The following PTPN3 variants were observed in gnomAD, a reference collection of about 807,000 sequenced individuals.
The protein encoded by PTPN3 is tyrosine-protein phosphatase non-receptor type 3.
PTPN3 carries 96 observed loss-of-function variants against 132.7 expected under a neutral mutation model. The observed-to-expected ratio is 0.72, with a 90% CI of 0.61 to 0.86. The LOEUF is 0.86. Ranked by LOEUF, PTPN3 falls within the 40% of genes least tolerant of loss-of-function variation. The pLI, the probability that PTPN3 is intolerant of heterozygous loss-of-function variation, is 0.00. For missense variants in PTPN3, 1,125 were observed against 1,159.6 expected (o/e 0.97, Z 0.43); for synonymous variants, 398 against 429.0 (o/e 0.93, Z 0.89).
At chr9:109,400,879 C>T (rs141450401) in intron 19 of PTPN3, among the ~76,000 whole-genome samples, 136 of 152,236 alleles carry the variant, frequency 8.9e-4, no homozygotes, top group African/African-American at 3.2e-3. Context: ...TCTCCTCTGG[C>T]TGCTCTGTAA....
At chr9:109,400,208 A>ATGAGCCCTCATGTCCGGCCT in intron 19 of PTPN3, among the ~76,000 whole-genome samples, 1 of 152,344 alleles carries the variant, frequency 6.6e-6, no homozygotes, top group Non-Finnish European at 1.5e-5. Context: ...GATTAGAGGC[A>ATGAGCCCTCATGTCCGGCCT]TGAGCCCTCA....
At chr9:109,492,052 G>A (rs1847485974) in intron 1 of PTPN3, among the ~76,000 whole-genome samples, 1 of 152,146 alleles carries the variant, frequency 6.6e-6, no homozygotes, top group African/African-American at 2.4e-5. Context: ...TGTGTTCCCT[G>A]ACACTTTATT....
Position 109,427,216 on chromosome 9 carries a change from C to T in PTPN3, c.829-94G>A, listed in dbSNP as rs969568796. On this transcript the variant is annotated intron_variant, in intron 11 of 25. Coordinates refer to ENST00000374541, the MANE Select transcript of PTPN3 (RefSeq NM_002829.4). ...CACATTGGTGAAATGAGGTAAGATG[C>T]AACAGACAGCAGAAAACTGGTTTCA... The T allele has an allele frequency of 3.0e-6, 4 of 1,343,698 alleles. No homozygotes were observed. The African/African-American group carries it at 4.4e-5, about 15-fold the overall frequency. 83.2% of individuals were successfully genotyped at this position (1,343,698 alleles called of 1,614,324 possible). A position where few individuals can be genotyped will look rare whatever the true frequency, so the allele number is the denominator to read the frequency against.
intron 18 of PTPN3, among the ~76,000 whole-genome samples, 171 bp from the exon 19 acceptor site, chr9:109,404,779 TG>T (rs1331672194): frequency 6.6e-6 from 1 of 152,264 alleles, no homozygotes; most frequent in Non-Finnish European, 1.5e-5. Context: ...TCTAGGTGAA[TG>T]ATTCAATATG....
chr9:109,533,929 T>A, the PTPN3 span: 68 of 752,706 alleles, frequency 9.0e-5, no homozygotes, highest in South Asian at 3.8e-4. Flanking sequence ...GTTTACTGCC[T>A]TGAACTGGAA....
chr9:109,439,953 A>T (rs1844335063), intron 7 of PTPN3, among the ~76,000 whole-genome samples: 2 of 151,628 alleles, frequency 1.3e-5, no homozygotes, highest in African/African-American at 4.8e-5. Context: ...GTTATGTTTC[A>T]TTCAGCCTTG....
chr9:109,411,876 C>G (rs1842099969), intron 14 of PTPN3, among the ~76,000 whole-genome samples: 1 of 152,108 alleles, frequency 6.6e-6, no homozygotes, highest in South Asian at 2.1e-4. Context: ...AGAGTCTGGC[C>G]TTATGGTGTC....
At chr9:109,393,455 G>T (rs927483621) in intron 19 of PTPN3, among the ~76,000 whole-genome samples, 1 of 144,698 alleles carries the variant, frequency 6.9e-6, no homozygotes, top group African/African-American at 2.6e-5. Flanking sequence ...GTGCGATCTC[G>T]GCTCACTGTA....
chr9:109,409,853 C>A, intron 16 of PTPN3, 146 bp downstream of exon 16: 5 of 1,356,908 alleles, frequency 3.7e-6, no homozygotes, highest in South Asian at 3.6e-5. Flanking sequence ...CAAACAAAAA[C>A]AAAAAAAACC....
At chr9:109,531,052 A>G in the PTPN3 span, among the ~76,000 whole-genome samples, 406 of 152,248 alleles carry the variant, frequency 2.7e-3, 2 homozygotes, top group African/African-American at 9.4e-3. Flanking sequence ...CTTTTAATGC[A>G]CCAAAGTTTT....
the PTPN3 span, among the ~76,000 whole-genome samples, chr9:109,522,059 T>C: frequency 1.3e-5 from 2 of 152,192 alleles, no homozygotes; most frequent in Non-Finnish European, 2.9e-5. Context: ...GGGCTTTATT[T>C]GCTGTCTGAT....
chr9:109,517,291 G>GCATGTA, the PTPN3 span, among the ~76,000 whole-genome samples: 1 of 152,322 alleles, frequency 6.6e-6, no homozygotes, highest in East Asian at 1.9e-4. Flanking sequence ...TACATGCTCA[G>GCATGTA]TTACATTGGA....
At chr9:109,486,369 A>T (rs1452890395) in intron 1 of PTPN3, among the ~76,000 whole-genome samples, 1 of 152,190 alleles carries the variant, frequency 6.6e-6, no homozygotes, top group Non-Finnish European at 1.5e-5. Context: ...AAGGAGGTAC[A>T]GGCGCAAGGG....
Position 109,379,323 on chromosome 9 carries a change from T to C in PTPN3, c.*233A>G, listed in dbSNP as rs1838826966. ...GGACAGGCCCCAAACTGAGATCCTT[T>C]TTGTATCTTTCCATAGAAATACAGG... On this transcript the variant is annotated 3_prime_UTR_variant, in exon 26 of 26. Transcript: ENST00000374541. 1.9e-6 allele frequency: 1 copy of C among 522,302 alleles called. No individual in the cohort carries two copies. Among genetic ancestry groups the C allele is most frequent in the African/African-American group, 1.9e-5 (1 of 52,112 alleles). The allele number at this position is 522,302 out of a possible 1,614,324, so 32.4% of individuals were successfully genotyped here. A position where few individuals can be genotyped will look rare whatever the true frequency, so the allele number is the denominator to read the frequency against.
intron 1 of PTPN3, among the ~76,000 whole-genome samples, chr9:109,497,774 G>T (rs1327471796): frequency 6.6e-6 from 1 of 152,068 alleles, no homozygotes; most frequent in Admixed American, 6.5e-5. Flanking sequence ...GATTCGCCCT[G>T]GGAGCCGAGC....
intron 4 of PTPN3, among the ~76,000 whole-genome samples, chr9:109,456,951 C>G (rs992733584): frequency 6.6e-6 from 1 of 152,082 alleles, no homozygotes; most frequent in African/African-American, 2.4e-5. Context: ...CTACTCTCAC[C>G]CTTCCCCTTC....
chr9:109,392,123 A>G (rs1281242503), intron 19 of PTPN3, among the ~76,000 whole-genome samples: 4 of 152,216 alleles, frequency 2.6e-5, no homozygotes, highest in African/African-American at 4.8e-5. Context: ...ATCTTTGCAT[A>G]TCTAAAGTCA....
At chr9:109,388,749 TGAG>T (rs1839809132) in intron 22 of PTPN3, among the ~76,000 whole-genome samples, 2 of 152,136 alleles carry the variant, frequency 1.3e-5, no homozygotes, top group African/African-American at 2.4e-5. Flanking sequence ...CCCTTTTCTC[TGAG>T]GAGAAGAATG....
intron 9 of PTPN3, 94 bp from the exon 10 acceptor site, chr9:109,433,255 T>C: frequency 6.6e-7 from 1 of 1,516,008 alleles, no homozygotes; most frequent in Middle Eastern, 1.7e-4. Flanking sequence ...TAAATAGTCA[T>C]ATGTATAGGC....
Sources: allele counts gnomAD v4.1 joint callset (sites outside exome capture counted in the v4.1 genomes callset), GRCh38; gene constraint gnomAD v4.1.1; transcripts MANE v1.5; gene names NCBI Gene and HGNC (gene_info 2026-07-23, HGNC 2026-07-21).